ADCY8: variants seen among roughly 807,000 people sequenced by gnomAD.
ADCY8 encodes adenylate cyclase 8.
In ADCY8, 51 loss-of-function variants were observed where a neutral mutation model predicts 119.7. The observed-to-expected ratio is 0.43, with a 90% CI of 0.34 to 0.54. The LOEUF (loss-of-function observed/expected upper bound fraction) is 0.54, where lower values mean the gene tolerates loss of function less well. Ranked by LOEUF, ADCY8 falls within the 20% of genes least tolerant of loss-of-function variation. The probability of loss-of-function intolerance (pLI) is 0.03; values close to 1 mark genes in which losing one functional copy is unlikely to be tolerated. For synonymous variants in ADCY8, 665 were observed against 651.0 expected (o/e 1.02, Z -0.33); for missense variants, 1,383 against 1,598.8 (o/e 0.87, Z 2.30).
chr8:131,014,539 C>G (rs1823409238), intron 1 of ADCY8, among the ~76,000 whole-genome samples: 1 of 151,988 alleles, frequency 6.6e-6, no homozygotes, highest in Non-Finnish European at 1.5e-5. Context: ...TTTTTTAAAG[C>G]AGGATAATTG....
At chr8:130,952,134 C>A in intron 2 of ADCY8, 136 bp from the exon 3 acceptor site, 1 of 989,658 alleles carries the variant, frequency 1.0e-6, no homozygotes, top group Non-Finnish European at 1.5e-6. Context: ...TCTATGAATA[C>A]AACAAATATT....
At chr8:130,959,322 G>A (rs763733091) in intron 2 of ADCY8, among the ~76,000 whole-genome samples, 6 of 151,862 alleles carry the variant, frequency 4.0e-5, no homozygotes, top group South Asian at 2.1e-4. Flanking sequence ...TGGTTTTCTC[G>A]GTTACAGGAA....
chr8:130,883,118 C>T (rs533999075), intron 8 of ADCY8, among the ~76,000 whole-genome samples: 5 of 150,528 alleles, frequency 3.3e-5, no homozygotes, highest in Non-Finnish European at 7.4e-5. Flanking sequence ...ATAAAACACA[C>T]TAGAAACTAT....
chr8:130,979,801 A>G (rs776734325), intron 2 of ADCY8, among the ~76,000 whole-genome samples: 72 of 152,318 alleles, frequency 4.7e-4, no homozygotes, highest in Middle Eastern at 3.4e-3. Context: ...AGTAAATGCT[A>G]TATCAGAGCC....
intron 15 of ADCY8, among the ~76,000 whole-genome samples, chr8:130,787,655 G>T (rs975730693): frequency 2.8e-5 from 4 of 142,296 alleles, no homozygotes; most frequent in African/African-American, 4.9e-5. Context: ...ATGTGTGCAT[G>T]TGTGATGTTT....
At chr8:130,980,818 A>C (rs113782761) in intron 2 of ADCY8, among the ~76,000 whole-genome samples, 1,832 of 152,314 alleles carry the variant, frequency 0.012, 45 homozygotes, top group African/African-American at 0.042. Flanking sequence ...TTTAAAAGAT[A>C]AACTTGGAAT....
chr8:130,814,463 C>CT (rs1456748700), intron 13 of ADCY8, among the ~76,000 whole-genome samples: 5 of 152,182 alleles, frequency 3.3e-5, no homozygotes, highest in African/African-American at 1.2e-4. Flanking sequence ...TGATTTCATA[C>CT]TTGTTTGTGT....
chr8:131,021,797 G>A (rs1259029694), intron 1 of ADCY8, among the ~76,000 whole-genome samples: 7 of 152,130 alleles, frequency 4.6e-5, no homozygotes, highest in East Asian at 1.9e-4. Context: ...CCTCCCCAGC[G>A]ATGCTGAACT....
In ADCY8 at chr8:130,889,283, C is replaced by G. The variant is rs1165505672; in HGVS notation, c.1912-4522G>C. On this transcript the variant is annotated intron_variant, in intron 7 of 17. Transcript: ENST00000286355. ...ATGTCTTTGTCCCCAGGGCCTATGA[C>G]AATGCCTGATACTTTGTAGTCACTT... 3.3e-5 allele frequency among the ~76,000 whole-genome samples: 5 copies of G among 152,148 alleles called. No individual in the cohort carries two copies. The East Asian group carries it at 9.6e-4, about 29-fold the overall frequency.
chr8:130,946,446 C>G (rs1821109114), intron 3 of ADCY8, among the ~76,000 whole-genome samples: 1 of 152,162 alleles, frequency 6.6e-6, no homozygotes, highest in South Asian at 2.1e-4. Context: ...CTTTTGCTAC[C>G]TGTTAAAATC....
At chr8:130,940,626 GATGACTTGACAGTAAT>G (rs1820928617) in intron 4 of ADCY8, among the ~76,000 whole-genome samples, 1 of 152,174 alleles carries the variant, frequency 6.6e-6, no homozygotes, top group Non-Finnish European at 1.5e-5. Flanking sequence ...TGAGCTGTCA[GATGACTTGACAGTAAT>G]ATCTGAATAA....
At position 131,039,529 on chromosome 8, in the gene ADCY8, C is replaced by T. The variant is rs201439578; in HGVS notation, c.805G>A (p.Asp269Asn). 17 of 1,613,856 alleles carry T rather than the reference C, an allele frequency of 1.1e-5. No homozygotes were observed. Among genetic ancestry groups the T allele is most frequent in the East Asian group, 2.2e-5 (1 of 44,860 alleles). Residue 269 changes from aspartate to asparagine, a missense_variant, in exon 1 of 18, where the codon GAC (aspartate) becomes AAC (asparagine). Coordinates refer to ENST00000286355, the MANE Select transcript of ADCY8 (RefSeq NM_001115.3). ...GTGAAGAGCACGTAGCCTATGCCGT[C>T]GCCCAGGAGCCCGTAGCCGAGGCCT... Reference protein sequence around the residue: ...AAGLGYGLLGDGIGYVLFTLF... With the variant: ...AAGLGYGLLGNGIGYVLFTLF...
chr8:130,851,112 C>CT (rs1563692355), intron 9 of ADCY8, among the ~76,000 whole-genome samples: 1 of 152,124 alleles, frequency 6.6e-6, no homozygotes, highest in South Asian at 2.1e-4. Context: ...TTGCAATCAT[C>CT]TTTTTTGCTT....
chr8:130,957,540 A>G (rs1002510336), intron 2 of ADCY8, among the ~76,000 whole-genome samples: 1 of 152,238 alleles, frequency 6.6e-6, no homozygotes, highest in Non-Finnish European at 1.5e-5. Flanking sequence ...AATTTGCATA[A>G]GTAACGAGGA....
At chr8:130,860,227 C>A (rs1015649620) in intron 9 of ADCY8, among the ~76,000 whole-genome samples, 1 of 152,050 alleles carries the variant, frequency 6.6e-6, no homozygotes, top group South Asian at 2.1e-4. Context: ...TTGTTTAAAT[C>A]TTTTGTCCAT....
rs113066396 is a variant in ADCY8, at chr8:130,786,811, A to G, written c.3061-1336T>C. Among the ~76,000 whole-genome samples the G allele has an allele frequency of 6.9e-3, 1,048 of 152,296 alleles. 3 individuals carry two copies. The highest frequency in any genetic ancestry group is 0.019 in the South Asian group (94 of 4,828). ...ATCAGGCCATTTTGATCTAATCTGA[A>G]GGATCTAGGAAGGGATCCCTCAGCA... is the stretch of plus-strand genomic sequence containing the variant. On this transcript the variant is annotated intron_variant, in intron 15 of 17. Coordinates refer to ENST00000286355, the MANE Select transcript of ADCY8 (RefSeq NM_001115.3).
intron 3 of ADCY8, 35 bp from the exon 4 acceptor site, chr8:130,943,497 G>GGGCCCCC: frequency 4.1e-6 from 2 of 491,354 alleles, no homozygotes; most frequent in South Asian, 1.6e-5. Context: ...GTGGGGGGAG[G>GGGCCCCC]AAGTATATTA....
chr8:131,026,486 C>G (rs1412007308), intron 1 of ADCY8, among the ~76,000 whole-genome samples: 1 of 152,128 alleles, frequency 6.6e-6, no homozygotes, highest in African/African-American at 2.4e-5. Flanking sequence ...TCTAAATCTA[C>G]CTGGTGGAGT....
intron 2 of ADCY8, among the ~76,000 whole-genome samples, chr8:130,960,043 A>G (rs1821551371): frequency 6.6e-6 from 1 of 152,196 alleles, no homozygotes; most frequent in Non-Finnish European, 1.5e-5. Flanking sequence ...GGGAAGGAAG[A>G]ATGAAAGGAA....
Sources: gnomAD v4.1 joint callset for allele counts (sites outside exome capture counted in the v4.1 genomes callset) on GRCh38, gnomAD v4.1.1 for gene constraint, MANE v1.5 for transcripts, NCBI Gene and HGNC (gene_info 2026-07-23, HGNC 2026-07-21) for gene names.